The following VEZT variants were observed in gnomAD, a reference collection of about 807,000 sequenced individuals.
VEZT encodes vezatin, adherens junctions transmembrane protein.
In VEZT, 39 loss-of-function variants were observed where a neutral mutation model predicts 79.9. The ratio of observed to expected loss-of-function variants is 0.49; its 90% CI spans 0.38 to 0.64. The LOEUF (loss-of-function observed/expected upper bound fraction) is 0.64, where lower values mean the gene tolerates loss of function less well. Ranked by LOEUF, VEZT falls within the 30% of genes least tolerant of loss-of-function variation. The pLI is 0.00. For synonymous variants in VEZT, 325 were observed against 327.6 expected (o/e 0.99, Z 0.09); for missense variants, 837 against 893.1 (o/e 0.94, Z 0.80).
intron 1 of VEZT, among the ~76,000 whole-genome samples, chr12:95,230,073 C>T (rs989136613): frequency 1.3e-5 from 2 of 149,052 alleles, no homozygotes; most frequent in Non-Finnish European, 1.5e-5. Flanking sequence ...CCACTGCACT[C>T]CAGCCTGGGC....
chr12:95,292,041 C>A (rs1028921884), intron 9 of VEZT, among the ~76,000 whole-genome samples: 1 of 152,180 alleles, frequency 6.6e-6, no homozygotes. Context: ...CTCAAGTGAT[C>A]AGCCCATATC....
chr12:95,236,450 TGTGGGAG>T (rs1205036249), intron 1 of VEZT, among the ~76,000 whole-genome samples: 1 of 152,022 alleles, frequency 6.6e-6, no homozygotes, highest in African/African-American at 2.4e-5. Flanking sequence ...AAAGGGAGAC[TGTGGGAG>T]AGGGGAGAGG....
chr12:95,233,325 C>T (rs1034478707), intron 1 of VEZT, among the ~76,000 whole-genome samples: 2 of 152,106 alleles, frequency 1.3e-5, no homozygotes, highest in South Asian at 4.1e-4. Flanking sequence ...TTTTCCTTTG[C>T]AGGTCCACCT....
chr12:95,239,948 AAGAGAGAG>A (rs140000740), intron 1 of VEZT, among the ~76,000 whole-genome samples: 23,135 of 119,898 alleles, frequency 0.19, 2,721 homozygotes, highest in African/African-American at 0.33. Flanking sequence ...GGAGACTCGA[AAGAGAGAG>A]AGAGAGAGAG....
chr12:95,256,094 C>G (rs1444239497), intron 2 of VEZT, among the ~76,000 whole-genome samples: 1 of 152,074 alleles, frequency 6.6e-6, no homozygotes, highest in African/African-American at 2.4e-5. Context: ...TCTTGTCACC[C>G]AGGCTGGAGT....
intron 11 of VEZT, chr12:95,298,753 C>A (rs2074720318): frequency 6.6e-6 from 1 of 152,202 alleles, no homozygotes; most frequent in African/African-American, 2.4e-5. Context: ...TATCAACCAA[C>A]TTCTAATATA....
chr12:95,262,715 C>T (rs1255541611), intron 3 of VEZT, among the ~76,000 whole-genome samples, 191 bp from the exon 4 acceptor site: 3 of 152,166 alleles, frequency 2.0e-5, no homozygotes, highest in Non-Finnish European at 4.4e-5. Context: ...CTATCTCAAC[C>T]TTTACTGTTT....
intron 1 of VEZT, among the ~76,000 whole-genome samples, chr12:95,235,104 A>G (rs1360797184): frequency 8.4e-4 from 123 of 147,228 alleles, no homozygotes; most frequent in East Asian, 4.2e-3. Context: ...TCTTTTCCCC[A>G]CCTTTCCCCC....
intron 1 of VEZT, chr12:95,218,280 C>G (rs1319905419): frequency 1.8e-5 from 3 of 163,320 alleles, no homozygotes; most frequent in African/African-American, 7.2e-5. Flanking sequence ...TTTTTTGGGT[C>G]AGTATCCAGA....
intron 6 of VEZT, 75 bp from the exon 7 acceptor site, chr12:95,274,667 T>C: frequency 6.9e-7 from 1 of 1,445,548 alleles, no homozygotes; most frequent in Non-Finnish European, 9.2e-7. Flanking sequence ...TTAGGGAATG[T>C]GATATAGGAC....
At chr12:95,258,080 A>G (rs2063748872) in intron 3 of VEZT, among the ~76,000 whole-genome samples, 2 of 152,184 alleles carry the variant, frequency 1.3e-5, no homozygotes, top group African/African-American at 2.4e-5. Context: ...GCTATAGCAT[A>G]CGACCTCTCT....
chr12:95,239,946 GAA>G (rs1491280220), intron 1 of VEZT, among the ~76,000 whole-genome samples: 1 of 63,640 alleles, frequency 1.6e-5, no homozygotes, highest in East Asian at 5.0e-4. Flanking sequence ...AGGGAGACTC[GAA>G]AGAGAGAGAG....
chr12:95,255,661 G>C (rs2063347360), intron 2 of VEZT, among the ~76,000 whole-genome samples: 1 of 152,134 alleles, frequency 6.6e-6, no homozygotes, highest in African/African-American at 2.4e-5. Context: ...TCGAACTCCT[G>C]ACCTTGTGAT....
intron 3 of VEZT, among the ~76,000 whole-genome samples, chr12:95,260,308 G>T (rs1216314576): frequency 6.6e-6 from 1 of 152,044 alleles, no homozygotes; most frequent in African/African-American, 2.4e-5. Context: ...GTTTCACTCT[G>T]TTGGCCATGC....
At position 95,247,252 on chromosome 12, in the gene VEZT, TC is replaced by T. The variant is rs2061853472; in HGVS notation, c.37-4687del. ...TTACTTGTTTCGGTACGGCTATTCTTCTTTGATACTACAATGATCAGAAAAG... is the reference window on the plus strand; with the variant it reads ...TTACTTGTTTCGGTACGGCTATTCTTTTTGATACTACAATGATCAGAAAAG... On this transcript the variant is annotated intron_variant, in intron 1 of 11. Transcript: ENST00000436874. Among the ~76,000 whole-genome samples the T allele has an allele frequency of 3.9e-5, 6 of 152,242 alleles. No homozygotes were observed. The South Asian group carries it at 1.2e-3, about 31-fold the overall frequency.
intron 1 of VEZT, among the ~76,000 whole-genome samples, chr12:95,251,557 G>C (rs2062611181): frequency 6.6e-6 from 1 of 152,082 alleles, no homozygotes; most frequent in South Asian, 2.1e-4. Context: ...TCTTGGCTTT[G>C]AGTAATAACA....
chr12:95,229,507 C>T (rs2136777423), intron 1 of VEZT, among the ~76,000 whole-genome samples: 2 of 152,256 alleles, frequency 1.3e-5, no homozygotes, highest in Admixed American at 1.3e-4. Flanking sequence ...TATACCATAT[C>T]ATCCTTTGGT....
intron 1 of VEZT, among the ~76,000 whole-genome samples, chr12:95,221,267 T>A (rs1048311230): frequency 2.6e-5 from 4 of 152,134 alleles, no homozygotes; most frequent in African/African-American, 9.7e-5. Context: ...TAGCTGAGAG[T>A]TCCACATCTG....
intron 1 of VEZT, among the ~76,000 whole-genome samples, chr12:95,229,322 T>G (rs912456974): frequency 2.1e-4 from 32 of 152,242 alleles, no homozygotes; most frequent in African/African-American, 7.7e-4. Context: ...CTACATTATT[T>G]TTTTTAGTTA....
Sources: allele counts gnomAD v4.1 joint callset (sites outside exome capture counted in the v4.1 genomes callset), GRCh38; gene constraint gnomAD v4.1.1; transcripts MANE v1.5; gene names NCBI Gene and HGNC (gene_info 2026-07-23, HGNC 2026-07-21).